Variants in NAV2 observed in about 807,000 individuals in gnomAD.
The protein encoded by NAV2 is helicase, APC down-regulated 1.
NAV2 carries 54 observed loss-of-function variants against 223.2 expected under a neutral mutation model. The observed-to-expected ratio is 0.24, with a 90% confidence interval of 0.19 to 0.30. NAV2 has a LOEUF of 0.30. Among genes scored for constraint, NAV2 ranks in the 10% least tolerant of loss-of-function variants. The pLI is 1.00. For synonymous variants in NAV2, 1,279 were observed against 1,239.3 expected, an observed-to-expected ratio of 1.03 and a Z score of -0.67; for missense variants, 2,806 against 3,147.5, an observed-to-expected ratio of 0.89 and a Z score of 2.60.
chr11:19,843,670 A>C (rs891103375), intron 3 of NAV2, among the ~76,000 whole-genome samples: 10 of 152,142 alleles, frequency 6.6e-5, no homozygotes, highest in Non-Finnish European at 1.5e-4. Context: ...GAGTCTGTTA[A>C]GATAACACTA....
chr11:19,905,425 A>G (rs532083142), intron 6 of NAV2, among the ~76,000 whole-genome samples: 1 of 152,336 alleles, frequency 6.6e-6, no homozygotes, highest in East Asian at 1.9e-4. Flanking sequence ...TTTTTTAAAA[A>G]ATCTATTTCA....
intron 1 of NAV2, among the ~76,000 whole-genome samples, chr11:19,632,723 C>T (rs1398160238): frequency 6.6e-6 from 1 of 152,186 alleles, no homozygotes; most frequent in Non-Finnish European, 1.5e-5. Context: ...GAAAACTACT[C>T]AGTGCTCTCC....
intron 11 of NAV2, among the ~76,000 whole-genome samples, chr11:20,006,133 C>T (rs577181202): frequency 5.9e-5 from 9 of 152,192 alleles, no homozygotes; most frequent in African/African-American, 2.2e-4. Context: ...GGGGTTCCTG[C>T]GTGAGGTGAG....
At chr11:19,586,929 G>T (rs2045918086) in intron 1 of NAV2, among the ~76,000 whole-genome samples, 1 of 152,374 alleles carries the variant, frequency 6.6e-6, no homozygotes, top group South Asian at 2.1e-4. Flanking sequence ...ATTTAAGTCT[G>T]CAGAGGTTTC....
At chr11:19,446,694 T>C (rs962279231) in intron 1 of NAV2, among the ~76,000 whole-genome samples, 1 of 152,170 alleles carries the variant, frequency 6.6e-6, no homozygotes, top group East Asian at 1.9e-4. Context: ...TCATCATTAA[T>C]GCAAACAGCT....
chr11:19,618,610 T>G (rs1003076740), intron 1 of NAV2, among the ~76,000 whole-genome samples: 1 of 152,126 alleles, frequency 6.6e-6, no homozygotes, highest in Non-Finnish European at 1.5e-5. Flanking sequence ...GTCTCTACCA[T>G]GGGCCTAGCC....
At chr11:19,732,599 C>G (rs191358492) in intron 1 of NAV2, among the ~76,000 whole-genome samples, 8 of 152,286 alleles carry the variant, frequency 5.3e-5, no homozygotes, top group Admixed American at 2.0e-4. Context: ...GCCAGAGAGG[C>G]GCCTCTGGGA....
chr11:20,090,193 A>C (rs1244962634), intron 26 of NAV2, among the ~76,000 whole-genome samples: 3 of 152,224 alleles, frequency 2.0e-5, no homozygotes, highest in African/African-American at 7.2e-5. Context: ...ATCACCCCTC[A>C]GTTGTTTAAT....
intron 6 of NAV2, among the ~76,000 whole-genome samples, chr11:19,894,995 G>T (rs1237748629): frequency 6.6e-6 from 1 of 151,736 alleles, no homozygotes; most frequent in African/African-American, 2.4e-5. Flanking sequence ...CTCCCAATGT[G>T]CTGGGATTAC....
intron 1 of NAV2, among the ~76,000 whole-genome samples, chr11:19,727,986 G>T (rs147106982): frequency 7.8e-4 from 119 of 152,334 alleles, no homozygotes; most frequent in African/African-American, 2.8e-3. Context: ...GAAACCACCT[G>T]GAGGAATGAC....
At chr11:19,657,819 G>C (rs530339477) in intron 1 of NAV2, among the ~76,000 whole-genome samples, 41 of 152,266 alleles carry the variant, frequency 2.7e-4, no homozygotes, top group African/African-American at 9.4e-4. Context: ...TCCAGGCAAG[G>C]ATCCTTCACC....
At chr11:19,695,895 T>TAAAATAAAATAAAATAATATA (rs2049322375) in intron 1 of NAV2, among the ~76,000 whole-genome samples, 7 of 149,864 alleles carry the variant, frequency 4.7e-5, no homozygotes, top group Non-Finnish European at 1.0e-4. Flanking sequence ...AATAATAAAA[T>TAAAATAAAATAAAATAATATA]AAAATAAAAT....
At chr11:19,446,827 T>C (rs1851602246) in intron 1 of NAV2, among the ~76,000 whole-genome samples, 1 of 151,810 alleles carries the variant, frequency 6.6e-6, no homozygotes, top group East Asian at 1.9e-4. Flanking sequence ...AGACTGGAGG[T>C]CTCATGACCC....
At chr11:19,721,641 C>T (rs1182697764) in intron 1 of NAV2, among the ~76,000 whole-genome samples, 1 of 152,156 alleles carries the variant, frequency 6.6e-6, no homozygotes, top group Non-Finnish European at 1.5e-5. Context: ...CAACCAAATC[C>T]GATGAGAGAT....
intron 6 of NAV2, among the ~76,000 whole-genome samples, chr11:19,916,148 A>G (rs2043786911): frequency 1.3e-5 from 2 of 152,262 alleles, no homozygotes; most frequent in Admixed American, 6.5e-5. Flanking sequence ...TAATGATTAA[A>G]ATCATGAAGA....
chr11:19,414,070 G>T (rs7948652), intron 1 of NAV2, among the ~76,000 whole-genome samples: 106,141 of 152,026 alleles, frequency 0.7, 37,118 homozygotes, highest in Admixed American at 0.72. Context: ...CACATAACAA[G>T]ATTAACCTTA....
chr11:19,355,653 C>A (rs2133742551), intron 1 of NAV2, among the ~76,000 whole-genome samples: 1 of 152,322 alleles, frequency 6.6e-6, no homozygotes, highest in African/African-American at 2.4e-5. Context: ...AGTTTAAGGT[C>A]CAGGAATTCT....
intron 1 of NAV2, among the ~76,000 whole-genome samples, chr11:19,569,067 T>C (rs2045353130): frequency 1.3e-5 from 2 of 152,228 alleles, no homozygotes; most frequent in East Asian, 3.8e-4. Flanking sequence ...CTTATTATCC[T>C]GGGTGAGGGA....
At chr11:19,471,910 A>G (rs2041977901) in intron 1 of NAV2, among the ~76,000 whole-genome samples, 1 of 152,098 alleles carries the variant, frequency 6.6e-6, no homozygotes, top group African/African-American at 2.4e-5. Context: ...CTGGGCCTTC[A>G]CTGAATATCA....
Sources: allele counts gnomAD v4.1 joint callset (sites outside exome capture counted in the v4.1 genomes callset), GRCh38; gene constraint gnomAD v4.1.1; transcripts MANE v1.5; gene names NCBI Gene and HGNC (gene_info 2026-07-23, HGNC 2026-07-21).